Variants in DPP8 observed in about 807,000 individuals in gnomAD.
DPP8 encodes DPP VIII.
Under a neutral mutation model 107.5 loss-of-function variants are expected in DPP8, and 31 were observed. The observed-to-expected ratio is 0.29, with a 90% confidence interval of 0.22 to 0.39. The LOEUF (loss-of-function observed/expected upper bound fraction) is 0.39, where lower values mean the gene tolerates loss of function less well. DPP8 is among the 10% of genes least tolerant of loss of function. The probability of loss-of-function intolerance (pLI) is 1.00; values close to 1 mark genes in which losing one functional copy is unlikely to be tolerated. For synonymous variants in DPP8, 381 were observed against 356.6 expected (o/e 1.07, Z -0.77); for missense variants, 842 against 1,076.1 (o/e 0.78, Z 3.04).
At chr15:65,508,672 G>A (rs2070376461) in intron 2 of DPP8, among the ~76,000 whole-genome samples, 1 of 152,060 alleles carries the variant, frequency 6.6e-6, no homozygotes, top group Admixed American at 6.6e-5. Context: ...GACCAACATG[G>A]AGAAACCCTG....
chr15:65,479,776 G>A (rs1020518009), intron 10 of DPP8, among the ~76,000 whole-genome samples: 2 of 150,006 alleles, frequency 1.3e-5, no homozygotes, highest in Admixed American at 6.7e-5. Context: ...CCCGGGAAGC[G>A]GAGCTTGCAG....
Position 65,444,222 on chromosome 15 carries a change from G to A in DPP8, c.*2662C>T, listed in dbSNP as rs1000213403. On this transcript the variant is annotated 3_prime_UTR_variant, in exon 20 of 20. Transcript: ENST00000300141. ...GCGTGAGCCACCATGCCTAGCCTGG[G>A]AATACACATTTTTAAGAGTGAGATT... is the stretch of plus-strand genomic sequence containing the variant. 2 of 152,106 alleles carry A rather than the reference G, an allele frequency of 1.3e-5. No individual in the cohort carries two copies. Among genetic ancestry groups the A allele is most frequent in the Non-Finnish European group, 1.5e-5 (1 of 68,030 alleles). 9.4% of individuals were successfully genotyped at this position (152,106 alleles called of 1,614,324 possible).
At chr15:65,496,103 C>T (rs936506548) in intron 5 of DPP8, among the ~76,000 whole-genome samples, 1 of 151,784 alleles carries the variant, frequency 6.6e-6, no homozygotes, top group Non-Finnish European at 1.5e-5. Flanking sequence ...CCTGCCTTGG[C>T]CTCCTTAGTA....
chr15:65,505,517 A>G (rs1023124861), intron 3 of DPP8, among the ~76,000 whole-genome samples: 1 of 152,152 alleles, frequency 6.6e-6, no homozygotes, highest in Admixed American at 6.6e-5. Flanking sequence ...AAAGTTTAAA[A>G]CAGTTTTGCC....
At chr15:65,482,615 A>G (rs908394815) in intron 8 of DPP8, among the ~76,000 whole-genome samples, 1 of 152,206 alleles carries the variant, frequency 6.6e-6, no homozygotes, top group Non-Finnish European at 1.5e-5. Context: ...CTGGATAAGC[A>G]AAGTTTTTTC....
At chr15:65,451,877 A>T (rs1014570832) in intron 18 of DPP8, 83 bp downstream of exon 18, 5 of 1,372,618 alleles carry the variant, frequency 3.6e-6, no homozygotes, top group Non-Finnish European at 4.8e-6. Context: ...GGGAGCCCTG[A>T]TCATGCCACT....
intron 6 of DPP8, among the ~76,000 whole-genome samples, chr15:65,489,412 A>ATTTTT (rs1567234759): frequency 4.8e-5 from 1 of 20,706 alleles, no homozygotes; most frequent in Non-Finnish European, 9.4e-5. Flanking sequence ...AATATAATCT[A>ATTTTT]CTTTTTTTTT....
intron 3 of DPP8, among the ~76,000 whole-genome samples, chr15:65,501,589 G>GT (rs1341179286): frequency 6.6e-6 from 1 of 152,152 alleles, no homozygotes; most frequent in Non-Finnish European, 1.5e-5. Flanking sequence ...TATGTACAAT[G>GT]TTTAGCACAA....
chr15:65,512,403 C>T lies in DPP8; in HGVS notation c.151G>A (p.Asp51Asn), dbSNP rs764911917. 2.5e-6 allele frequency: 4 copies of T among 1,614,086 alleles called. No homozygotes were observed. The South Asian group carries it at 3.3e-5, about 13-fold the overall frequency. The change falls in exon 2 of 20, where the codon GAT becomes AAT. Residue 51 changes from aspartate (D) to asparagine (N), a missense_variant. Coordinates refer to ENST00000300141, the MANE Select transcript of DPP8 (RefSeq NM_130434.5). ...ATGTAGCCATGATATTTTCTGGTAT[C>T]GGCAAGCAGCTTTTTAAGCTGACTC... The part of the protein sequence containing the change: ...SWSQLKKLLA[D>N]TRKYHGYMMA...
intron 1 of DPP8, chr15:65,515,868 CA>C: frequency 3.4e-6 from 2 of 592,476 alleles, no homozygotes; most frequent in Non-Finnish European, 5.8e-6. Flanking sequence ...AGAGAAGCCC[CA>C]AAATAGTAGT....
In DPP8 at chr15:65,463,732, T is replaced by C. The variant is rs779485010; in HGVS notation, c.1971+29A>G. On this transcript the variant is annotated intron_variant, in intron 15 of 19. Transcript: ENST00000300141. ...TCTAAAATACATATGCATATGGGTG[T>C]ATGTATATATGTATATAAATATGCC... 33 of 1,552,572 alleles carry C rather than the reference T, an allele frequency of 2.1e-5. No homozygotes were observed. In the South Asian group the frequency reaches 3.3e-4, roughly 15 times the overall value.
chr15:65,509,838 T>C (rs953349758), intron 2 of DPP8, among the ~76,000 whole-genome samples: 6 of 151,832 alleles, frequency 4.0e-5, no homozygotes, highest in Admixed American at 6.6e-5. Flanking sequence ...CTGAGCAACA[T>C]GGTGAAACCC....
chr15:65,471,848 C>T (rs1287714938), intron 12 of DPP8, among the ~76,000 whole-genome samples: 1 of 152,146 alleles, frequency 6.6e-6, no homozygotes, highest in Non-Finnish European at 1.5e-5. Context: ...ATTATGTCTC[C>T]TTAATCACTT....
At chr15:65,447,818 A>T (rs2063581496) in intron 19 of DPP8, among the ~76,000 whole-genome samples, 1 of 152,232 alleles carries the variant, frequency 6.6e-6, no homozygotes, top group African/African-American at 2.4e-5. Context: ...TTTGAGTTAG[A>T]ATTTTGGAAA....
Position 65,478,886 on chromosome 15 carries a change from C to A in DPP8, c.1450G>T (p.Ala484Ser), listed in dbSNP as rs1186511702. ...KYKRSSGGLP[A>S]PSDFKCPIKE... The stretch of plus-strand genomic sequence containing the variant: ...AATAAAATGGATTTCTTACTTGGAG[C>A]AGGCAGCCCACCACTGGATCGTTTA... Residue 484 changes from alanine (A) to serine (S), a missense_variant, in exon 11 of 20, where the codon GCT becomes TCT. Coordinates refer to ENST00000300141, the MANE Select transcript of DPP8 (RefSeq NM_130434.5). 4 of 1,556,582 alleles carry A rather than the reference C, an allele frequency of 2.6e-6. No individual in the cohort carries two copies. Among genetic ancestry groups the A allele is most frequent in the Non-Finnish European group, 3.4e-6 (4 of 1,159,496 alleles).
intron 12 of DPP8, among the ~76,000 whole-genome samples, chr15:65,473,325 CAAAA>C (rs574732255): frequency 1.1e-5 from 1 of 94,796 alleles, no homozygotes. Flanking sequence ...ACTCCATCTC[CAAAA>C]AAAAAAAAAA....
At position 65,446,669 on chromosome 15, in the gene DPP8, G is replaced by T; in HGVS notation, c.*215C>A. The T allele has an allele frequency of 4.2e-6, 1 of 239,208 alleles. No homozygotes were observed. Among genetic ancestry groups the T allele is most frequent in the Non-Finnish European group, 7.9e-6 (1 of 127,376 alleles). 14.8% of individuals were successfully genotyped at this position (239,208 alleles called of 1,614,324 possible). On this transcript the variant is annotated 3_prime_UTR_variant, in exon 20 of 20. Coordinates refer to ENST00000300141, the MANE Select transcript of DPP8 (RefSeq NM_130434.5). ...CTTATGGTATTGCTGGGTCTCTCAG[G>T]AATATGTATCATTTGATTTTGAGCA... is the stretch of plus-strand genomic sequence containing the variant.
chr15:65,503,493 T>C (rs1438282120), intron 3 of DPP8, among the ~76,000 whole-genome samples: 1 of 151,912 alleles, frequency 6.6e-6, no homozygotes, highest in African/African-American at 2.4e-5. Context: ...CTAGCTGGAG[T>C]GCAGAGGTGC....
chr15:65,497,412 T>C (rs2068721212), intron 5 of DPP8, among the ~76,000 whole-genome samples: 1 of 152,016 alleles, frequency 6.6e-6, no homozygotes, highest in Admixed American at 6.6e-5. Context: ...GCCACTACGC[T>C]CAGCTAATTT....
Sources: gnomAD v4.1 joint callset for allele counts (sites outside exome capture counted in the v4.1 genomes callset) on GRCh38, gnomAD v4.1.1 for gene constraint, MANE v1.5 for transcripts, NCBI Gene and HGNC (gene_info 2026-07-23, HGNC 2026-07-21) for gene names.